AFF1: variants seen among roughly 807,000 people sequenced by gnomAD.
AFF1 encodes AF4/FMR2 family member 1.
Under a neutral mutation model 121.7 loss-of-function variants are expected in AFF1, and 48 were observed. The observed-to-expected ratio is 0.39, with a 90% CI of 0.31 to 0.50. The LOEUF is 0.50. AFF1 is among the 20% of genes least tolerant of loss of function. The probability of loss-of-function intolerance (pLI) is 0.76; values close to 1 mark genes in which losing one functional copy is unlikely to be tolerated. For synonymous variants in AFF1, 613 were observed against 563.0 expected, an observed-to-expected ratio of 1.09 and a Z score of -1.26; for missense variants, 1,523 against 1,511.7, an observed-to-expected ratio of 1.01 and a Z score of -0.12.
intron 4 of AFF1, among the ~76,000 whole-genome samples, chr4:87,054,301 C>T (rs980663582): frequency 3.3e-5 from 5 of 152,148 alleles, no homozygotes; most frequent in Non-Finnish European, 7.4e-5. Flanking sequence ...GCTCAAGAAG[C>T]CCCCCGACAT....
chr4:87,104,582 G>A (rs945498719), intron 8 of AFF1, among the ~76,000 whole-genome samples: 5 of 152,078 alleles, frequency 3.3e-5, no homozygotes, highest in Non-Finnish European at 5.9e-5. Context: ...GCCAAGTTTC[G>A]TTCATTTTCA....
rs778035999 is a variant in AFF1 at position 87,084,108 on chromosome 4, T to G, written c.1060-12T>G. ...GTTTGCTAACCTTTTATTTTTTGCTTTTCACTTTCAGCAGACCTACTCCAA... is the reference window on the plus strand; with the variant it reads ...GTTTGCTAACCTTTTATTTTTTGCTGTTCACTTTCAGCAGACCTACTCCAA... On this transcript the variant is annotated splice_polypyrimidine_tract_variant and intron_variant, in intron 4 of 20. Transcript: ENST00000395146. 6.2e-7 allele frequency: 1 copy of G among 1,613,788 alleles called. No homozygotes were observed. The highest frequency in any genetic ancestry group is 2.2e-5 in the East Asian group (1 of 44,870).
At chr4:87,073,360 A>G (rs1722321707) in intron 4 of AFF1, among the ~76,000 whole-genome samples, 3 of 149,712 alleles carry the variant, frequency 2.0e-5, no homozygotes, top group Non-Finnish European at 3.0e-5. Flanking sequence ...TGTCAAGGAC[A>G]AGGTCGTCTT....
chr4:87,137,106 T>A lies in AFF1; in HGVS notation c.*1405T>A, dbSNP rs1016160293. ...TTCTTTTTCATTGAAACTTTAAAGG[T>A]TATTATTGGAAACATTACTTTGAGT... On this transcript the variant is annotated 3_prime_UTR_variant, in exon 21 of 21. Coordinates refer to ENST00000395146, the MANE Select transcript of AFF1 (RefSeq NM_001166693.3). The A allele has an allele frequency of 4.4e-6, 1 of 225,798 alleles. No individual in the cohort carries two copies. Among genetic ancestry groups the A allele is most frequent in the African/African-American group, 2.2e-5 (1 of 44,858 alleles). The allele number at this position is 225,798 out of a possible 1,614,324, so 14.0% of individuals were successfully genotyped here. A position where few individuals can be genotyped will look rare whatever the true frequency, so the allele number is the denominator to read the frequency against.
intron 12 of AFF1, among the ~76,000 whole-genome samples, chr4:87,119,476 T>C (rs999221908): frequency 2.6e-5 from 4 of 151,622 alleles, no homozygotes; most frequent in Admixed American, 6.6e-5. Flanking sequence ...GAAGCTGTGG[T>C]GGGAGGATCA....
chr4:86,962,110 C>T (rs940171985), intron 2 of AFF1, among the ~76,000 whole-genome samples: 1 of 150,596 alleles, frequency 6.6e-6, no homozygotes, highest in Admixed American at 6.6e-5. Flanking sequence ...TATGCACGAG[C>T]TGAGATAGCA....
At chr4:87,078,393 G>T (rs1353852530) in intron 4 of AFF1, among the ~76,000 whole-genome samples, 1 of 152,118 alleles carries the variant, frequency 6.6e-6, no homozygotes, top group Non-Finnish European at 1.5e-5. Flanking sequence ...TTGTTTATGG[G>T]GTTGCCTCTG....
At chr4:86,985,678 GTAAA>G (rs999186108) in intron 2 of AFF1, among the ~76,000 whole-genome samples, 1 of 151,772 alleles carries the variant, frequency 6.6e-6, no homozygotes, top group African/African-American at 2.4e-5. Context: ...CTCCATCTTA[GTAAA>G]TAAATAAACA....
At chr4:87,026,602 G>GC (rs1324236071) in intron 2 of AFF1, among the ~76,000 whole-genome samples, 1 of 152,146 alleles carries the variant, frequency 6.6e-6, no homozygotes, top group Non-Finnish European at 1.5e-5. Flanking sequence ...GGTGAGGAGG[G>GC]CCCGTTAGTA....
At chr4:87,071,757 G>A (rs1018070138) in intron 4 of AFF1, among the ~76,000 whole-genome samples, 4 of 152,130 alleles carry the variant, frequency 2.6e-5, no homozygotes, top group Non-Finnish European at 2.9e-5. Context: ...CTATTAGAAC[G>A]GTTGCCTTTT....
intron 2 of AFF1, among the ~76,000 whole-genome samples, chr4:87,036,995 CTAATTTG>C (rs1729634148): frequency 6.6e-6 from 1 of 152,084 alleles, no homozygotes; most frequent in South Asian, 2.1e-4. Flanking sequence ...CCATGCCCAG[CTAATTTG>C]AGATTCTGCT....
intron 2 of AFF1, chr4:87,007,371 T>C (rs1200170082): frequency 1.9e-6 from 3 of 1,613,470 alleles, no homozygotes; most frequent in Non-Finnish European, 2.5e-6. Flanking sequence ...GTGAAGGCGC[T>C]CATGGACGGA....
chr4:86,996,234 C>G (rs1382816099), intron 2 of AFF1, among the ~76,000 whole-genome samples: 1 of 152,128 alleles, frequency 6.6e-6, no homozygotes, highest in African/African-American at 2.4e-5. Flanking sequence ...TACCCAACAG[C>G]TCATTGAGAA....
intron 1 of AFF1, chr4:86,936,255 G>C (rs566405584): frequency 1.3e-5 from 2 of 152,184 alleles, no homozygotes; most frequent in Non-Finnish European, 2.9e-5. Context: ...CCTCCCCCTT[G>C]GTGCACGTTG....
chr4:87,072,090 G>A (rs796462013), intron 4 of AFF1, among the ~76,000 whole-genome samples: 39 of 152,264 alleles, frequency 2.6e-4, no homozygotes, highest in African/African-American at 5.5e-4. Context: ...AGGGCTGGGC[G>A]TGGTGGCTCA....
At chr4:86,975,741 T>C (rs1052763936) in intron 2 of AFF1, among the ~76,000 whole-genome samples, 1 of 152,190 alleles carries the variant, frequency 6.6e-6, no homozygotes, top group Non-Finnish European at 1.5e-5. Flanking sequence ...GAAAATACAG[T>C]GACAAATAAA....
chr4:87,047,908 T>A, intron 4 of AFF1: 2 of 347,080 alleles, frequency 5.8e-6, no homozygotes, highest in Middle Eastern at 6.9e-4. Flanking sequence ...ACCTATAGGA[T>A]CCAAAACCCA....
intron 4 of AFF1, among the ~76,000 whole-genome samples, chr4:87,072,380 AAAT>A (rs1277342349): frequency 6.6e-6 from 1 of 151,544 alleles, no homozygotes; most frequent in African/African-American, 2.4e-5. Flanking sequence ...AAAAAAAAAA[AAAT>A]TTAAATTCAG....
In AFF1 at chr4:87,134,621, C is replaced by T. The variant is rs777081694; in HGVS notation, c.3462C>T (p.Val1154=). 18 of 1,614,078 alleles carry T rather than the reference C, an allele frequency of 1.1e-5. No individual in the cohort carries two copies. The highest frequency in any genetic ancestry group is 1.4e-5 in the Non-Finnish European group (16 of 1,180,048). ...VTIQNMTSSY[V]TITSHVLTAF... is the part of the protein sequence containing the mutation. ...TCCAGAATATGACATCTTCCTATGTCACCATCACATCCCATGTTCTTACCG... is the reference window on the plus strand; with the variant it reads ...TCCAGAATATGACATCTTCCTATGTTACCATCACATCCCATGTTCTTACCG... Residue 1154 remains valine (V), a synonymous_variant, in exon 20 of 21, where the codon GTC becomes GTT. Transcript: ENST00000395146.
Sources: allele counts gnomAD v4.1 joint callset (sites outside exome capture counted in the v4.1 genomes callset), GRCh38; gene constraint gnomAD v4.1.1; transcripts MANE v1.5; gene names NCBI Gene and HGNC (gene_info 2026-07-23, HGNC 2026-07-21).